DIAPH2: variants seen among roughly 807,000 people sequenced by gnomAD.
DIAPH2 encodes the protein diaphanous related formin 2.
DIAPH2 carries 35 observed loss-of-function variants against 92.7 expected under a neutral mutation model. That is an observed-to-expected ratio of 0.38 (90% CI 0.29 to 0.50). The LOEUF is 0.50. Ranked by LOEUF, DIAPH2 falls within the 20% of genes least tolerant of loss-of-function variation. The pLI is 0.94. For synonymous variants in DIAPH2, 301 were observed against 280.4 expected, an observed-to-expected ratio of 1.07 and a Z score of -0.73; for missense variants, 701 against 819.5, an observed-to-expected ratio of 0.86 and a Z score of 1.77.
At chrX:96,871,949 T>C (rs1219599033) in intron 4 of DIAPH2, among the ~76,000 whole-genome samples, 2 of 112,076 alleles carry the variant, frequency 1.8e-5, no homozygotes, top group Admixed American at 9.5e-5. Context: ...CTTGTGTGCC[T>C]TCCCAGGGCA....
chrX:96,698,425 G>A (rs2063836604), intron 1 of DIAPH2, among the ~76,000 whole-genome samples: 1 of 111,836 alleles, frequency 8.9e-6, no homozygotes, highest in African/African-American at 3.3e-5. Flanking sequence ...TGCTATAAAA[G>A]TGTGGTATAT....
chrX:96,738,947 C>A (rs2064103595), intron 3 of DIAPH2, among the ~76,000 whole-genome samples, 185 bp downstream of exon 3: 2 of 110,895 alleles, frequency 1.8e-5, no homozygotes, highest in African/African-American at 6.5e-5. Context: ...CAAAAATGTC[C>A]TTACCTGTCT....
At chrX:97,503,555 G>C (rs779536025) in intron 26 of DIAPH2, among the ~76,000 whole-genome samples, 1 of 111,973 alleles carries the variant, frequency 8.9e-6, no homozygotes, top group South Asian at 3.7e-4. Flanking sequence ...CAGATTTCTT[G>C]ATCCTCAGTC....
chrX:96,717,824 A>G (rs1462949103), intron 1 of DIAPH2, among the ~76,000 whole-genome samples: 1 of 44,557 alleles, frequency 2.2e-5, no homozygotes, highest in Non-Finnish European at 3.5e-5. Flanking sequence ...TAGTATATAT[A>G]TATATATATA....
At chrX:97,596,012 C>G (rs1427981222) in intron 26 of DIAPH2, among the ~76,000 whole-genome samples, 1 of 112,094 alleles carries the variant, frequency 8.9e-6, no homozygotes, top group East Asian at 2.8e-4. Flanking sequence ...GTATCAGAAT[C>G]TATTCACCTT....
chrX:97,052,815 G>T (rs1243677979), intron 17 of DIAPH2, among the ~76,000 whole-genome samples: 2 of 111,223 alleles, frequency 1.8e-5, no homozygotes, highest in African/African-American at 6.5e-5. Flanking sequence ...CTAGCATGAG[G>T]GTTGATATCC....
intron 17 of DIAPH2, 121 bp from the exon 18 acceptor site, chrX:97,072,820 T>C (rs935621913): frequency 7.2e-6 from 3 of 418,894 alleles, no homozygotes; most frequent in Admixed American, 5.3e-5. Context: ...GCTAATGAAA[T>C]CAACACATTT....
intron 17 of DIAPH2, among the ~76,000 whole-genome samples, chrX:97,040,634 T>C (rs934255585): frequency 1.8e-5 from 2 of 111,132 alleles, no homozygotes; most frequent in African/African-American, 3.3e-5. Flanking sequence ...ATGGTGTTCA[T>C]TGTTTTTCTC....
chrX:97,236,669 C>T lies in DIAPH2; in HGVS notation c.2720-11046C>T, dbSNP rs905887372. 4.6e-5 allele frequency among the ~76,000 whole-genome samples: 5 copies of T among 107,954 alleles called. No individual in the cohort carries two copies. The East Asian group carries it at 8.8e-4, about 19-fold the overall frequency. 93.7% of individuals were successfully genotyped at this position (107,954 alleles called of 115,157 possible). A position where few individuals can be genotyped will look rare whatever the true frequency, so the allele number is the denominator to read the frequency against. On this transcript the variant is annotated intron_variant, in intron 22 of 26. Transcript: ENST00000324765. ...ACGCCATTCTCCTGCCTCAGCCTCC[C>T]GAGTAGCTGGGACTACAGGTGCCCG...
intron 4 of DIAPH2, among the ~76,000 whole-genome samples, chrX:96,829,439 ATG>A (rs1361022998): frequency 1.7e-5 from 1 of 57,855 alleles, no homozygotes; most frequent in Non-Finnish European, 2.7e-5. Flanking sequence ...ACATATATAT[ATG>A]TATATATATA....
intron 22 of DIAPH2, among the ~76,000 whole-genome samples, chrX:97,156,861 G>A (rs1388884352): frequency 9.0e-6 from 1 of 111,330 alleles, no homozygotes; most frequent in African/African-American, 3.3e-5. Flanking sequence ...ACGCTCAAAA[G>A]TAAAAGTTTT....
At chrX:97,227,429 GT>G (rs2067973925) in intron 22 of DIAPH2, among the ~76,000 whole-genome samples, 1 of 112,063 alleles carries the variant, frequency 8.9e-6, no homozygotes, top group Non-Finnish European at 1.9e-5. Flanking sequence ...TAATATGTTT[GT>G]TCATTTCACC....
chrX:97,191,335 AAAG>A (rs2067651917), intron 22 of DIAPH2, among the ~76,000 whole-genome samples: 1 of 108,892 alleles, frequency 9.2e-6, no homozygotes, highest in African/African-American at 3.5e-5. Flanking sequence ...TCAAAAAAAA[AAAG>A]AAAAAAAAAA....
intron 1 of DIAPH2, among the ~76,000 whole-genome samples, chrX:96,702,583 GA>G (rs1033745669): frequency 7.1e-5 from 8 of 112,276 alleles, no homozygotes; most frequent in African/African-American, 2.6e-4. Flanking sequence ...AAAGTGCAGA[GA>G]TTTTTTTTAA....
At chrX:96,798,923 C>T (rs1159908997) in intron 4 of DIAPH2, among the ~76,000 whole-genome samples, 1 of 111,368 alleles carries the variant, frequency 9.0e-6, no homozygotes, top group East Asian at 2.8e-4. Flanking sequence ...GTGTGATCTT[C>T]AGTGGGTATT....
At chrX:96,953,049 G>T (rs1227774653) in intron 15 of DIAPH2, among the ~76,000 whole-genome samples, 1 of 110,565 alleles carries the variant, frequency 9.0e-6, no homozygotes, top group Non-Finnish European at 1.9e-5. Context: ...AGTCCTAGAG[G>T]TCAAGGCTGC....
chrX:97,161,764 G>C (rs2067375761), intron 22 of DIAPH2, among the ~76,000 whole-genome samples: 1 of 111,572 alleles, frequency 9.0e-6, no homozygotes, highest in Non-Finnish European at 1.9e-5. Flanking sequence ...GCAGTAGCTG[G>C]GGGTACATTG....
At chrX:97,115,262 G>A (rs746306610) in intron 21 of DIAPH2, among the ~76,000 whole-genome samples, 34 of 111,596 alleles carry the variant, frequency 3.0e-4, no homozygotes, top group Non-Finnish European at 4.3e-4. Flanking sequence ...TTGGCCAGGC[G>A]CGGTGGCTCA....
At chrX:97,039,274 T>C (rs905608289) in intron 17 of DIAPH2, among the ~76,000 whole-genome samples, 4 of 111,778 alleles carry the variant, frequency 3.6e-5, no homozygotes, top group Non-Finnish European at 7.5e-5. Context: ...AGTATGTTTC[T>C]TATTTCTTTA....
Sources: allele counts gnomAD v4.1 joint callset (sites outside exome capture counted in the v4.1 genomes callset), GRCh38; gene constraint gnomAD v4.1.1; transcripts MANE v1.5; gene names NCBI Gene and HGNC (gene_info 2026-07-23, HGNC 2026-07-21).